Variants in AGAP1 observed in about 807,000 individuals in gnomAD.
AGAP1 encodes the protein ArfGAP with GTPase domain, ankyrin repeat and PH domain 1.
Under a neutral mutation model 105.3 loss-of-function variants are expected in AGAP1, and 29 were observed. The observed-to-expected ratio is 0.28, with a 90% CI of 0.21 to 0.38. AGAP1 has a LOEUF of 0.38. Among genes scored for constraint, AGAP1 ranks in the 10% least tolerant of loss-of-function variants. The pLI is 1.00. For synonymous variants in AGAP1, 509 were observed against 485.9 expected, an observed-to-expected ratio of 1.05 and a Z score of -0.63; for missense variants, 998 against 1,165.1, an observed-to-expected ratio of 0.86 and a Z score of 2.09.
In AGAP1 at chr2:236,076,411, C is replaced by T. The variant is rs143911167; in HGVS notation, c.2114+27130C>T. ...AGTGAGTCGAGACCACACCATTGTA[C>T]TCCAGCCTGGGTGACAGAGTGAGAC... On this transcript the variant is annotated intron_variant, in intron 16 of 17. Coordinates refer to ENST00000304032, the MANE Select transcript of AGAP1 (RefSeq NM_001037131.3). The surrounding 1 kb of genome is among the most constrained non-coding windows in gnomAD (Gnocchi z 4.4). Among the ~76,000 whole-genome samples, 793 of 152,192 alleles carry T rather than the reference C, an allele frequency of 5.2e-3. 6 individuals carry two copies. Among genetic ancestry groups the T allele is most frequent in the African/African-American group, 0.018 (750 of 41,518 alleles).
intron 5 of AGAP1, among the ~76,000 whole-genome samples, chr2:235,745,792 A>C (rs1441175489): frequency 3.6e-4 from 55 of 152,186 alleles, no homozygotes; most frequent in Admixed American, 3.6e-3. Flanking sequence ...CTGCTTGATC[A>C]CGAACCTACA....
chr2:235,627,422 G>A (rs184503523), intron 1 of AGAP1, among the ~76,000 whole-genome samples: 191 of 152,024 alleles, frequency 1.3e-3, no homozygotes, highest in African/African-American at 4.3e-3. Flanking sequence ...ACAGGATTTC[G>A]TCATGTTGGC....
intron 13 of AGAP1, among the ~76,000 whole-genome samples, chr2:236,017,002 A>G (rs928795945): frequency 1.3e-5 from 2 of 152,136 alleles, no homozygotes; most frequent in Admixed American, 1.3e-4. Context: ...GTATTACAGA[A>G]TTCAGGCCAG....
chr2:235,832,222 G>A (rs1201045853), intron 9 of AGAP1, among the ~76,000 whole-genome samples: 5 of 152,084 alleles, frequency 3.3e-5, no homozygotes, highest in Non-Finnish European at 7.4e-5. Context: ...CTTTTCAGAT[G>A]TGTTTTTTAT....
At chr2:235,781,664 G>T (rs1045397160) in intron 6 of AGAP1, among the ~76,000 whole-genome samples, 2 of 152,160 alleles carry the variant, frequency 1.3e-5, no homozygotes, top group African/African-American at 4.8e-5. Flanking sequence ...AGAAGCCTTC[G>T]TAAGCCAAAC....
intron 12 of AGAP1, among the ~76,000 whole-genome samples, chr2:235,937,214 C>T (rs571174906): frequency 7.4e-4 from 113 of 152,304 alleles, no homozygotes; most frequent in Non-Finnish European, 1.3e-3. Flanking sequence ...CCTGCCTCAC[C>T]GCCGGGAGGG....
At chr2:235,972,056 C>T (rs1213054738) in intron 13 of AGAP1, among the ~76,000 whole-genome samples, 6 of 152,106 alleles carry the variant, frequency 3.9e-5, no homozygotes, top group South Asian at 2.1e-4. Flanking sequence ...GGACTACAGG[C>T]GTGAGCCACC....
intron 9 of AGAP1, among the ~76,000 whole-genome samples, chr2:235,838,152 C>G (rs991844109): frequency 2.6e-5 from 4 of 152,206 alleles, no homozygotes; most frequent in African/African-American, 9.7e-5. Flanking sequence ...TGCCACTGCA[C>G]TCCAGCCTGG....
intron 9 of AGAP1, among the ~76,000 whole-genome samples, chr2:235,820,979 A>T (rs982721678): frequency 4.6e-5 from 7 of 152,250 alleles, no homozygotes; most frequent in African/African-American, 1.7e-4. Flanking sequence ...CTTGAAGGGC[A>T]ATCTAACAGT....
chr2:235,742,464 G>C (rs1279849345), intron 4 of AGAP1, among the ~76,000 whole-genome samples: 3 of 152,186 alleles, frequency 2.0e-5, no homozygotes, highest in African/African-American at 7.2e-5. Context: ...CCATGAACTT[G>C]ATCATAACAA....
intron 1 of AGAP1, among the ~76,000 whole-genome samples, chr2:235,604,663 A>G (rs934189337): frequency 7.6e-6 from 1 of 132,276 alleles, no homozygotes; most frequent in African/African-American, 3.1e-5. Flanking sequence ...GCTCACTGCA[A>G]GCTCCACCTC....
intron 9 of AGAP1, among the ~76,000 whole-genome samples, chr2:235,858,272 G>A (rs987594892): frequency 2.0e-5 from 3 of 152,108 alleles, no homozygotes; most frequent in South Asian, 2.1e-4. Context: ...TTTTGGTAGC[G>A]TTAGTTAAAA....
At position 235,958,398 on chromosome 2, in the gene AGAP1, C is replaced by T. The variant is rs2054039574; in HGVS notation, c.1484-10064C>T. 6.6e-6 allele frequency among the ~76,000 whole-genome samples: 1 copy of T among 152,074 alleles called. No individual in the cohort carries two copies. The highest frequency in any genetic ancestry group is 6.6e-5 in the Admixed American group (1 of 15,260). On this transcript the variant is annotated intron_variant, in intron 12 of 17. Transcript: ENST00000304032. This position sits in a 1 kb window ranked among gnomAD's most constrained non-coding sequence, Gnocchi z 4.1. ...CAGGGAGGCTTGCAGAGATCAAGTGCACCTACGCCCAGCACCTCCCCCAGC... is the reference window on the plus strand; with the variant it reads ...CAGGGAGGCTTGCAGAGATCAAGTGTACCTACGCCCAGCACCTCCCCCAGC...
chr2:235,745,431 A>C (rs192833167), intron 5 of AGAP1, among the ~76,000 whole-genome samples: 1 of 152,280 alleles, frequency 6.6e-6, no homozygotes, highest in Non-Finnish European at 1.5e-5. Context: ...TGGCCGTCAC[A>C]TGGCCTGAGA....
intron 16 of AGAP1, among the ~76,000 whole-genome samples, chr2:236,099,610 C>G (rs1386555448): frequency 6.6e-6 from 1 of 152,182 alleles, no homozygotes; most frequent in Non-Finnish European, 1.5e-5. Context: ...TCAAAACTGG[C>G]TTTCTGAGAA....
At chr2:236,023,917 G>A (rs72991170) in intron 13 of AGAP1, among the ~76,000 whole-genome samples, 7,672 of 152,008 alleles carry the variant, frequency 0.05, 285 homozygotes, top group Middle Eastern at 0.097. Flanking sequence ...GGTCATTGAA[G>A]AACTTGGAGT....
Position 236,104,903 on chromosome 2 carries a change from GAAA to G in AGAP1, c.2115-15281_2115-15279del, listed in dbSNP as rs879856264. The stretch of plus-strand genomic sequence containing the variant: ...CTACAGAGCGAGACTCTGTCTCAAG[GAAA>G]AAAAAAAGGACTAGCGTGCACAGAG... On this transcript the variant is annotated intron_variant, in intron 16 of 17. Coordinates refer to ENST00000304032, the MANE Select transcript of AGAP1 (RefSeq NM_001037131.3). This position sits in a 1 kb window ranked among gnomAD's most constrained non-coding sequence, Gnocchi z 4.7. Among the ~76,000 whole-genome samples, 1 of 147,932 alleles carries G rather than the reference GAAA, an allele frequency of 6.8e-6. No homozygotes were observed. The highest frequency in any genetic ancestry group is 1.5e-5 in the Non-Finnish European group (1 of 66,698).
intron 1 of AGAP1, among the ~76,000 whole-genome samples, chr2:235,587,533 C>T (rs550755429): frequency 4.6e-5 from 7 of 152,178 alleles, no homozygotes; most frequent in Admixed American, 4.6e-4. Flanking sequence ...GGGCGGATCA[C>T]TTGAGGTCAG....
intron 13 of AGAP1, among the ~76,000 whole-genome samples, chr2:235,985,852 A>G (rs1387428409): frequency 1.3e-5 from 2 of 152,194 alleles, no homozygotes; most frequent in East Asian, 1.9e-4. Context: ...TACCAGTACC[A>G]TGCTGTTTTG....
Sources: allele counts gnomAD v4.1 joint callset (sites outside exome capture counted in the v4.1 genomes callset), GRCh38; gene constraint gnomAD v4.1.1; non-coding constraint Gnocchi (gnomAD v3.1); transcripts MANE v1.5; gene names NCBI Gene and HGNC (gene_info 2026-07-23, HGNC 2026-07-21).